The following FOXK1 variants were observed in gnomAD, a reference collection of about 807,000 sequenced individuals.
FOXK1 encodes forkhead box protein K1.
FOXK1 carries 19 observed loss-of-function variants against 51.9 expected under a neutral mutation model. That is an observed-to-expected ratio of 0.37 (90% confidence interval 0.26 to 0.54). The LOEUF is 0.54. FOXK1 is among the 20% of genes least tolerant of loss of function. The probability of loss-of-function intolerance (pLI) is 0.87; values close to 1 mark genes in which losing one functional copy is unlikely to be tolerated. For synonymous variants in FOXK1, 537 were observed against 482.6 expected (o/e 1.11, Z -1.48); for missense variants, 870 against 1,032.7 (o/e 0.84, Z 2.16).
chr7:4,684,723 G>C (rs556849726), intron 1 of FOXK1, among the ~76,000 whole-genome samples: 1 of 152,212 alleles, frequency 6.6e-6, no homozygotes, highest in Admixed American at 6.5e-5. Flanking sequence ...GGTTCACTAA[G>C]TACTTCCATT....
At position 4,682,883 on chromosome 7, in the gene FOXK1, G is replaced by C; in HGVS notation, c.560+15G>C. Reference sequence around the variant, plus strand: ...CTGCCCAAGCAGTGAGTGGCCCCGCGACCCCCGCCGCCCGCACCCGGGGCT... The same window carrying C: ...CTGCCCAAGCAGTGAGTGGCCCCGCCACCCCCGCCGCCCGCACCCGGGGCT... On this transcript the variant is annotated intron_variant, in intron 1 of 8. Transcript: ENST00000328914. This position sits in a 1 kb window ranked among gnomAD's most constrained non-coding sequence, Gnocchi z 7.6. 2 of 1,447,868 alleles carry C rather than the reference G, an allele frequency of 1.4e-6. No homozygotes were observed. The highest frequency in any genetic ancestry group is 1.8e-6 in the Non-Finnish European group (2 of 1,098,362). 89.7% of individuals were successfully genotyped at this position (1,447,868 alleles called of 1,614,324 possible). A position where few individuals can be genotyped will look rare whatever the true frequency, so the allele number is the denominator to read the frequency against.
chr7:4,764,501 C>A lies in FOXK1; in HGVS notation c.*2037C>A, dbSNP rs1440654086. 6 of 154,068 alleles carry A rather than the reference C, an allele frequency of 3.9e-5. No homozygotes were observed. The highest frequency in any genetic ancestry group is 1.4e-4 in the African/African-American group (6 of 41,500). 9.5% of individuals were successfully genotyped at this position (154,068 alleles called of 1,614,324 possible). ...CCCCGTTCCACACTTGTGTCGCCTG[C>A]TGTTGTCTGTGGGCCTTTTCTTTCC... On this transcript the variant is annotated 3_prime_UTR_variant, in exon 9 of 9. Transcript: ENST00000328914.
Position 4,705,983 on chromosome 7 carries a change from CGTATATAT to C in FOXK1, c.560+23116_560+23123del, listed in dbSNP as rs1562373022. 2.7e-4 allele frequency among the ~76,000 whole-genome samples: 25 copies of C among 91,718 alleles called. 2 individuals carry two copies. Among genetic ancestry groups the C allele is most frequent in the African/African-American group, 1.2e-3 (16 of 13,366 alleles). The allele number at this position is 91,718 out of a possible 152,430, so 60.2% of individuals were successfully genotyped here. ...ATGTATATATATATACGTATATATA[CGTATATAT>C]ACGTATATATACGTATATATACGTA... On this transcript the variant is annotated intron_variant, in intron 1 of 8. Coordinates refer to ENST00000328914, the MANE Select transcript of FOXK1 (RefSeq NM_001037165.2).
At chr7:4,732,954 T>C (rs757467322) in intron 1 of FOXK1, among the ~76,000 whole-genome samples, 1 of 152,220 alleles carries the variant, frequency 6.6e-6, no homozygotes, top group Non-Finnish European at 1.5e-5. Context: ...ACTCTAGAAC[T>C]TCGCTCAGCA....
At chr7:4,732,319 G>A (rs998801595) in intron 1 of FOXK1, among the ~76,000 whole-genome samples, 6 of 152,248 alleles carry the variant, frequency 3.9e-5, no homozygotes, top group South Asian at 2.1e-4. Context: ...TCCCAGTGCC[G>A]ACAGTTCTCC....
chr7:4,751,543 A>G (rs1242944989), intron 2 of FOXK1, among the ~76,000 whole-genome samples: 3 of 152,218 alleles, frequency 2.0e-5, no homozygotes, highest in Non-Finnish European at 4.4e-5. Context: ...AGGCTCGAGC[A>G]GCCTCTGCTT....
chr7:4,705,613 G>A (rs997430985), intron 1 of FOXK1, among the ~76,000 whole-genome samples: 4 of 144,794 alleles, frequency 2.8e-5, no homozygotes, highest in African/African-American at 5.2e-5. Context: ...GTCTGTTCAC[G>A]GCAACCTCTG....
At position 4,751,013 on chromosome 7, in the gene FOXK1, T is replaced by TTC. The variant is rs201095358; in HGVS notation, c.747-3445_747-3444insCT. ...AGCCACCGTGCCTGGCCTTCAGCACTTTTTTTTTTTTTTTTTTTTGAGATG... is the reference window on the plus strand; with the variant it reads ...AGCCACCGTGCCTGGCCTTCAGCACTTCTTTTTTTTTTTTTTTTTTTGAGATG... On this transcript the variant is annotated intron_variant, in intron 2 of 8. Transcript: ENST00000328914. Among the ~76,000 whole-genome samples the TTC allele has an allele frequency of 3.7e-3, 384 of 104,676 alleles. 10 individuals carry two copies. Among genetic ancestry groups the TTC allele is most frequent in the African/African-American group, 0.022 (371 of 17,142 alleles). 68.7% of individuals were successfully genotyped at this position (104,676 alleles called of 152,430 possible).
chr7:4,738,165 G>A (rs186920249), intron 1 of FOXK1, among the ~76,000 whole-genome samples: 1 of 150,788 alleles, frequency 6.6e-6, no homozygotes, highest in Non-Finnish European at 1.5e-5. Context: ...GGCCAGTCAC[G>A]GTGGCTCATG....
In FOXK1 at chr7:4,761,204, G is replaced by A. The variant is rs762894907; in HGVS notation, c.1837G>A (p.Gly613Arg). 9 of 1,613,042 alleles carry A rather than the reference G, an allele frequency of 5.6e-6. No homozygotes were observed. The highest frequency in any genetic ancestry group is 4.4e-5 in the South Asian group (4 of 91,078). Residue 613 changes from glycine (G) to arginine (R), a missense_variant, in exon 8 of 9, where the codon GGG becomes AGG. Around this residue, in one of 3 missense-constraint regions of FOXK1, gnomAD observed 457 missense variants for 510.8 expected, o/e 0.89. Coordinates refer to ENST00000328914, the MANE Select transcript of FOXK1 (RefSeq NM_001037165.2). The surrounding 1 kb of genome is among the most constrained non-coding windows in gnomAD (Gnocchi z 6.2). ...GCAGCCCGCCACACCCGTGACCCTC[G>A]GGCAGCACCACCTTCCAGTCCGGGC... ...ILQPATPVTL[G>R]QHHLPVRAVT...
At chr7:4,741,622 C>T (rs59603997) in intron 2 of FOXK1, among the ~76,000 whole-genome samples, 2,012 of 152,338 alleles carry the variant, frequency 0.013, 39 homozygotes, top group African/African-American at 0.046. Flanking sequence ...TGAGCCACCG[C>T]GCACGGCTGA....
In FOXK1 at chr7:4,750,247, C is replaced by T. The variant is rs1032686472; in HGVS notation, c.747-4212C>T. On this transcript the variant is annotated intron_variant, in intron 2 of 8. Transcript: ENST00000328914. ...GTGGGCTGTCACTGTCCAGCCTCTG[C>T]GTCCCACACCTGGGCAGCTAGGGAC... Among the ~76,000 whole-genome samples, 18 of 152,218 alleles carry T rather than the reference C, an allele frequency of 1.2e-4. 1 individual carries two copies. The highest frequency in any genetic ancestry group is 8.3e-4 in the South Asian group (4 of 4,824).
chr7:4,699,878 C>T (rs979298852), intron 1 of FOXK1, among the ~76,000 whole-genome samples: 7 of 152,162 alleles, frequency 4.6e-5, no homozygotes, highest in Admixed American at 4.6e-4. Flanking sequence ...TCCTCATGTG[C>T]AGATAATACT....
chr7:4,743,760 C>T lies in FOXK1; in HGVS notation c.746+2737C>T, dbSNP rs1298927149. ...GGGGCGGGTAGCAAAGGCCTCAGGT[C>T]CAGAGAGAAGCAGGCCAGGCAGCGA... On this transcript the variant is annotated intron_variant, in intron 2 of 8. Transcript: ENST00000328914. This position sits in a 1 kb window ranked among gnomAD's most constrained non-coding sequence, Gnocchi z 5.3. 6.6e-6 allele frequency among the ~76,000 whole-genome samples: 1 copy of T among 152,148 alleles called. No individual in the cohort carries two copies. The highest frequency in any genetic ancestry group is 2.1e-4 in the South Asian group (1 of 4,828).
Position 4,735,329 on chromosome 7 carries a change from A to G in FOXK1, c.561-5509A>G, listed in dbSNP as rs1780538623. On this transcript the variant is annotated intron_variant, in intron 1 of 8. Transcript: ENST00000328914. The surrounding 1 kb of genome is among the most constrained non-coding windows in gnomAD (Gnocchi z 4.7). ...CCCTCAGTGTGGGAGCTTTTGGGCA[A>G]GAATTCTCCCCAAAAACAGCTTGCC... is the stretch of plus-strand genomic sequence containing the variant. Among the ~76,000 whole-genome samples the G allele has an allele frequency of 2.0e-5, 3 of 152,204 alleles. No individual in the cohort carries two copies. In the South Asian group the frequency reaches 6.2e-4, roughly 32 times the overall value.
At chr7:4,696,707 A>G (rs1332023655) in intron 1 of FOXK1, among the ~76,000 whole-genome samples, 2 of 152,202 alleles carry the variant, frequency 1.3e-5, no homozygotes, top group African/African-American at 4.8e-5. Flanking sequence ...AGCCCTTCTA[A>G]TAGATAAACC....
intron 1 of FOXK1, among the ~76,000 whole-genome samples, chr7:4,711,000 C>A (rs962347988): frequency 6.6e-6 from 1 of 152,194 alleles, no homozygotes; most frequent in East Asian, 1.9e-4. Context: ...AGCCCCATCA[C>A]GGTGCCTGAG....
intron 1 of FOXK1, among the ~76,000 whole-genome samples, chr7:4,716,483 G>A (rs778835199): frequency 2.0e-5 from 3 of 152,108 alleles, no homozygotes; most frequent in Non-Finnish European, 4.4e-5. Flanking sequence ...TCTAGCCTGC[G>A]TGACACAGCA....
At chr7:4,720,938 C>T (rs1351323696) in intron 1 of FOXK1, among the ~76,000 whole-genome samples, 1 of 151,904 alleles carries the variant, frequency 6.6e-6, no homozygotes, top group Non-Finnish European at 1.5e-5. Flanking sequence ...AAAAACTCAA[C>T]ACACGTGTTA....
Sources: allele counts gnomAD v4.1 joint callset (sites outside exome capture counted in the v4.1 genomes callset), GRCh38; gene constraint gnomAD v4.1.1; regional missense constraint gnomAD v4.1.1; non-coding constraint Gnocchi (gnomAD v3.1); transcripts MANE v1.5; gene names NCBI Gene and HGNC (gene_info 2026-07-23, HGNC 2026-07-21).